KRT8: variants seen among roughly 807,000 people sequenced by gnomAD.
The protein encoded by KRT8 is keratin, type II cytoskeletal 8.
In KRT8, 24 loss-of-function variants were observed where a neutral mutation model predicts 43.0. That is an observed-to-expected ratio of 0.56 (90% CI 0.40 to 0.78). The LOEUF (loss-of-function observed/expected upper bound fraction) is 0.78, where lower values mean the gene tolerates loss of function less well. Among genes scored for constraint, KRT8 ranks in the 30% least tolerant of loss-of-function variants. The pLI is 0.00. For synonymous variants in KRT8, 214 were observed against 261.2 expected, an observed-to-expected ratio of 0.82 and a Z score of 1.74; for missense variants, 492 against 638.4, an observed-to-expected ratio of 0.77 and a Z score of 2.47.
upstream of KRT8, chr12:52,905,108 G>T: frequency 1.4e-6 from 2 of 1,452,712 alleles, no homozygotes; most frequent in Non-Finnish European, 1.8e-6. Flanking sequence ...CAGCCCCGGG[G>T]GATGGGGGGG....
At chr12:52,926,578 C>A (rs1941997174) in intron 2 of KRT8, 1 of 854,162 alleles carries the variant, frequency 1.2e-6, no homozygotes, top group South Asian at 1.6e-5. Flanking sequence ...CACCCCTGGG[C>A]TGGGTTACAC....
intron 2 of KRT8, among the ~76,000 whole-genome samples, chr12:52,922,566 G>A (rs550432282): frequency 3.9e-4 from 59 of 152,264 alleles, no homozygotes; most frequent in African/African-American, 1.0e-3. Context: ...CCAGCTACTC[G>A]GGAGGCTGAG....
intron 2 of KRT8, chr12:52,948,965 G>T: frequency 4.4e-6 from 2 of 458,668 alleles, no homozygotes; most frequent in South Asian, 5.5e-5. Context: ...AGGGCTGCGC[G>T]GAGGGCGCGG....
At chr12:52,903,001 G>A (rs1454760069) in intron 1 of KRT8, among the ~76,000 whole-genome samples, 2 of 152,080 alleles carry the variant, frequency 1.3e-5, no homozygotes, top group East Asian at 2.0e-4. Context: ...GACAGAGTGA[G>A]ACTCTGTCTC....
chr12:52,939,901 C>G (rs558556286), intron 2 of KRT8, among the ~76,000 whole-genome samples: 1 of 151,384 alleles, frequency 6.6e-6, no homozygotes, highest in African/African-American at 2.4e-5. Context: ...GAATTTAAGA[C>G]CAGCCTGGGC....
intron 2 of KRT8, among the ~76,000 whole-genome samples, chr12:52,944,150 T>G (rs1448621192): frequency 6.6e-6 from 1 of 152,066 alleles, no homozygotes; most frequent in African/African-American, 2.4e-5. Context: ...TCATGAAAAC[T>G]CTCTAAGTGG....
intron 2 of KRT8, among the ~76,000 whole-genome samples, chr12:52,921,362 G>A (rs1196355214): frequency 6.6e-6 from 1 of 152,148 alleles, no homozygotes; most frequent in Non-Finnish European, 1.5e-5. Context: ...CTCTGAGGGA[G>A]AGGACCAGTA....
intron 1 of KRT8, among the ~76,000 whole-genome samples, chr12:52,902,990 C>A (rs1941412607): frequency 6.6e-6 from 1 of 151,978 alleles, no homozygotes; most frequent in Admixed American, 6.5e-5. Context: ...CCAGCCTGGG[C>A]GACAGAGTGA....
chr12:52,927,130 G>A (rs948619692), intron 2 of KRT8, among the ~76,000 whole-genome samples: 1 of 152,180 alleles, frequency 6.6e-6, no homozygotes, highest in African/African-American at 2.4e-5. Context: ...ACCAGAGATG[G>A]GAGCTAAGCC....
chr12:52,933,397 A>T (rs115799366), intron 2 of KRT8, among the ~76,000 whole-genome samples: 1,990 of 152,340 alleles, frequency 0.013, 44 homozygotes, highest in African/African-American at 0.045. Context: ...AGTATAAAAC[A>T]TTAATGAGAG....
chr12:52,909,456 T>C (rs774756351), upstream of KRT8, among the ~76,000 whole-genome samples: 1 of 152,246 alleles, frequency 6.6e-6, no homozygotes, highest in Non-Finnish European at 1.5e-5. Flanking sequence ...TCATGAATAA[T>C]AGAGTCAATT....
chr12:52,897,378 G>A (rs1450511546), exon 8 of KRT8: 5 of 1,516,870 alleles, frequency 3.3e-6, no homozygotes, highest in Non-Finnish European at 4.5e-6. Context: ...TCCTTCCCAG[G>A]CTCTGGGGCA....
intron 2 of KRT8, among the ~76,000 whole-genome samples, chr12:52,925,888 C>A (rs77749782): frequency 3.9e-5 from 6 of 152,092 alleles, no homozygotes; most frequent in Non-Finnish European, 7.4e-5. Context: ...TTCTCTCCCC[C>A]TCAGGGCCCA....
chr12:52,901,119 A>C (rs1293845988), intron 3 of KRT8, 40 bp downstream of exon 3: 1 of 1,435,636 alleles, frequency 7.0e-7, no homozygotes, highest in Admixed American at 1.7e-5. Flanking sequence ...TCTGAGCCCC[A>C]GCCTCCAGTG....
At chr12:52,943,498 C>A (rs970154478) in intron 2 of KRT8, among the ~76,000 whole-genome samples, 2 of 152,176 alleles carry the variant, frequency 1.3e-5, no homozygotes, top group Non-Finnish European at 2.9e-5. Context: ...CTTCTTCTTG[C>A]CTCAAGTCCC....
chr12:52,937,129 G>C (rs1942180368), intron 2 of KRT8, among the ~76,000 whole-genome samples: 1 of 151,976 alleles, frequency 6.6e-6, no homozygotes, highest in African/African-American at 2.4e-5. Flanking sequence ...GTAGCACTTT[G>C]GGAGGCTGAG....
At chr12:52,930,919 G>C (rs1351212420) in intron 2 of KRT8, among the ~76,000 whole-genome samples, 1 of 152,028 alleles carries the variant, frequency 6.6e-6, no homozygotes, top group Non-Finnish European at 1.5e-5. Context: ...CTCTTAGTTT[G>C]AGTCATTATT....
intron 2 of KRT8, among the ~76,000 whole-genome samples, chr12:52,946,295 T>C (rs1942343084): frequency 6.6e-6 from 1 of 152,158 alleles, no homozygotes; most frequent in East Asian, 1.9e-4. Flanking sequence ...GAGACAGACT[T>C]CAAACCCCTT....
intron 2 of KRT8, among the ~76,000 whole-genome samples, chr12:52,946,172 G>T (rs1036615504): frequency 6.6e-6 from 1 of 152,162 alleles, no homozygotes; most frequent in Admixed American, 6.6e-5. Flanking sequence ...CTAGCAGTTG[G>T]GGTGGGGCAG....
Sources: gnomAD v4.1 joint callset for allele counts (sites outside exome capture counted in the v4.1 genomes callset) on GRCh38, gnomAD v4.1.1 for gene constraint, MANE v1.5 for transcripts, NCBI Gene and HGNC (gene_info 2026-07-23, HGNC 2026-07-21) for gene names.